The following LHFPL3 variants were observed in gnomAD, a reference collection of about 807,000 sequenced individuals.
LHFPL3 encodes LHFPL tetraspan subfamily member 3 protein.
Under a neutral mutation model 19.3 loss-of-function variants are expected in LHFPL3, and 5 were observed. That is an observed-to-expected ratio of 0.26 (90% CI 0.14 to 0.54). The LOEUF (loss-of-function observed/expected upper bound fraction) is 0.54. Ranked by LOEUF, LHFPL3 falls within the 20% of genes least tolerant of loss-of-function variation. The probability of loss-of-function intolerance (pLI) is 0.94; values close to 1 mark genes in which losing one functional copy is unlikely to be tolerated. For missense variants in LHFPL3, 249 were observed against 307.4 expected, an observed-to-expected ratio of 0.81 and a Z score of 1.42; for synonymous variants, 133 against 126.2, an observed-to-expected ratio of 1.05 and a Z score of -0.36.
At chr7:104,840,565 T>C (rs1322569542) in intron 2 of LHFPL3, among the ~76,000 whole-genome samples, 2 of 130,960 alleles carry the variant, frequency 1.5e-5, no homozygotes, top group Non-Finnish European at 3.1e-5. Flanking sequence ...GTGATCCTCC[T>C]ACCTCAGCCT....
chr7:104,571,972 C>T (rs1368231614), intron 1 of LHFPL3, among the ~76,000 whole-genome samples: 1 of 152,176 alleles, frequency 6.6e-6, no homozygotes, highest in Non-Finnish European at 1.5e-5. Flanking sequence ...CTGAAATCTT[C>T]CCCCTTTTCT....
At chr7:104,783,859 G>T (rs1244332295) in intron 2 of LHFPL3, among the ~76,000 whole-genome samples, 1 of 152,170 alleles carries the variant, frequency 6.6e-6, no homozygotes, top group Non-Finnish European at 1.5e-5. Flanking sequence ...TGGAAATTTT[G>T]TAGAAAAGAA....
intron 1 of LHFPL3, among the ~76,000 whole-genome samples, chr7:104,633,512 G>A (rs968543522): frequency 2.0e-5 from 3 of 152,136 alleles, no homozygotes; most frequent in African/African-American, 7.2e-5. Flanking sequence ...TTAGCTGAAT[G>A]TTACAGCCAT....
chr7:104,669,139 C>T, intron 1 of LHFPL3: 1 of 1,613,340 alleles, frequency 6.2e-7, no homozygotes, highest in South Asian at 1.1e-5. Context: ...ACCTCCCAAA[C>T]CTGATCAGCC....
intron 2 of LHFPL3, among the ~76,000 whole-genome samples, chr7:104,846,600 G>T (rs937598502): frequency 2.0e-5 from 3 of 152,162 alleles, no homozygotes; most frequent in Admixed American, 2.0e-4. Flanking sequence ...TGCCCAAGAT[G>T]GTGGCAGAGC....
intron 2 of LHFPL3, among the ~76,000 whole-genome samples, chr7:104,863,641 C>A (rs1325375253): frequency 6.6e-6 from 1 of 152,230 alleles, no homozygotes; most frequent in Non-Finnish European, 1.5e-5. Context: ...TTGGTTCTCA[C>A]ATAACCCTAG....
intron 1 of LHFPL3, among the ~76,000 whole-genome samples, chr7:104,660,949 C>T (rs927177294): frequency 6.6e-6 from 1 of 152,150 alleles, no homozygotes; most frequent in African/African-American, 2.4e-5. Context: ...ATGGTAAACT[C>T]AGATGGGTTT....
chr7:104,730,612 T>C (rs1429477088), intron 1 of LHFPL3, among the ~76,000 whole-genome samples: 1 of 152,052 alleles, frequency 6.6e-6, no homozygotes, highest in Non-Finnish European at 1.5e-5. Flanking sequence ...TTCTTGTAAA[T>C]TTGTTTGAGT....
chr7:104,817,750 C>T (rs1337749187), intron 2 of LHFPL3, among the ~76,000 whole-genome samples: 2 of 152,166 alleles, frequency 1.3e-5, no homozygotes, highest in African/African-American at 2.4e-5. Flanking sequence ...TAATCCCATA[C>T]AAACCCCCAT....
chr7:104,438,703 A>G (rs550544542), intron 1 of LHFPL3, among the ~76,000 whole-genome samples: 3 of 152,300 alleles, frequency 2.0e-5, no homozygotes, highest in African/African-American at 7.2e-5. Flanking sequence ...AAAAAAAAAG[A>G]TAAGCAAACA....
intron 1 of LHFPL3, among the ~76,000 whole-genome samples, chr7:104,627,152 A>G (rs1181710915): frequency 6.6e-6 from 1 of 152,102 alleles, no homozygotes; most frequent in East Asian, 1.9e-4. Context: ...GGGCCCTGGT[A>G]ACCACCATTC....
In LHFPL3 at chr7:104,496,653, G is replaced by A. The variant is rs145346722; in HGVS notation, c.445+167429G>A. On this transcript the variant is annotated intron_variant, in intron 1 of 2. Coordinates refer to ENST00000424859, the MANE Select transcript of LHFPL3 (RefSeq NM_199000.3). ...CCTGTTGTTTCCTGATTTTTTTAAT[G>A]ATCGCCATTCTAACTGGGAACCAAG... 8.1e-3 allele frequency among the ~76,000 whole-genome samples: 1,238 copies of A among 152,204 alleles called. 11 individuals carry two copies. Among genetic ancestry groups the A allele is most frequent in the African/African-American group, 0.029 (1,199 of 41,518 alleles).
At chr7:104,509,607 C>T (rs929917812) in intron 1 of LHFPL3, among the ~76,000 whole-genome samples, 1 of 151,758 alleles carries the variant, frequency 6.6e-6, no homozygotes, top group Non-Finnish European at 1.5e-5. Flanking sequence ...AAAACAGATG[C>T]AAAATCCTTA....
chr7:104,713,995 G>A (rs952680115), intron 1 of LHFPL3, among the ~76,000 whole-genome samples: 3 of 152,182 alleles, frequency 2.0e-5, no homozygotes, highest in African/African-American at 4.8e-5. Context: ...TTGCTGGCAG[G>A]CTAAGACTGG....
chr7:104,607,396 T>C (rs1370632306), intron 1 of LHFPL3, among the ~76,000 whole-genome samples: 2 of 152,214 alleles, frequency 1.3e-5, no homozygotes, highest in Non-Finnish European at 2.9e-5. Flanking sequence ...AAGAGTTGTC[T>C]GCCTGAAAAC....
chr7:104,360,223 G>C (rs1408473084), intron 1 of LHFPL3, among the ~76,000 whole-genome samples: 2 of 152,200 alleles, frequency 1.3e-5, no homozygotes, highest in African/African-American at 4.8e-5. Context: ...TTCACTTGAA[G>C]AGCTCCTCTT....
chr7:104,713,873 C>T (rs1221055627), intron 1 of LHFPL3, among the ~76,000 whole-genome samples: 2 of 152,100 alleles, frequency 1.3e-5, no homozygotes, highest in African/African-American at 4.8e-5. Flanking sequence ...AGTAACAATA[C>T]CAAGGCAGAA....
At chr7:104,396,326 G>A (rs1216257062) in intron 1 of LHFPL3, among the ~76,000 whole-genome samples, 2 of 152,008 alleles carry the variant, frequency 1.3e-5, no homozygotes, top group Non-Finnish European at 2.9e-5. Flanking sequence ...TGAGAAATGG[G>A]GATGGCAAAA....
Position 104,666,512 on chromosome 7 carries a change from C to CTTTTTTTTTTTTTTTTTTTTTTTTT in LHFPL3, c.446-70160_446-70136dup, listed in dbSNP as rs71155514. 5.0e-4 allele frequency among the ~76,000 whole-genome samples: 21 copies of CTTTTTTTTTTTTTTTTTTTTTTTTT among 42,236 alleles called. 9 individuals are homozygous for CTTTTTTTTTTTTTTTTTTTTTTTTT. Among genetic ancestry groups the CTTTTTTTTTTTTTTTTTTTTTTTTT allele is most frequent in the East Asian group, 1.5e-3 (2 of 1,354 alleles). The allele number at this position is 42,236 out of a possible 152,430, so 27.7% of individuals were successfully genotyped here. ...TTGCTGAAAATGACAGGATTTCATT[C>CTTTTTTTTTTTTTTTTTTTTTTTTT]TTTTTTTTTTTTTTTTTTTTTTTTT... On this transcript the variant is annotated intron_variant, in intron 1 of 2. Transcript: ENST00000424859.
Sources: gnomAD v4.1 joint callset for allele counts (sites outside exome capture counted in the v4.1 genomes callset) on GRCh38, gnomAD v4.1.1 for gene constraint, MANE v1.5 for transcripts, NCBI Gene and HGNC (gene_info 2026-07-23, HGNC 2026-07-21) for gene names.